PDE7A: variants seen among roughly 807,000 people sequenced by gnomAD.
PDE7A encodes phosphodiesterase 7A, also known as high affinity 3',5'-cyclic-AMP phosphodiesterase 7A.
Under a neutral mutation model 64.3 loss-of-function variants are expected in PDE7A, and 39 were observed. The observed-to-expected ratio is 0.61, with a 90% CI of 0.47 to 0.79. PDE7A has a LOEUF of 0.79. Among genes scored for constraint, PDE7A ranks in the 30% least tolerant of loss-of-function variants. The probability of loss-of-function intolerance (pLI) is 0.00; values close to 1 mark genes in which losing one functional copy is unlikely to be tolerated. For missense variants in PDE7A, 470 were observed against 582.8 expected, an observed-to-expected ratio of 0.81 and a Z score of 1.99; for synonymous variants, 203 against 206.8, an observed-to-expected ratio of 0.98 and a Z score of 0.16.
intron 1 of PDE7A, among the ~76,000 whole-genome samples, chr8:65,814,510 CAAAAAAAAAAAAAA>C (rs140450405): frequency 4.2e-5 from 3 of 71,040 alleles, no homozygotes; most frequent in South Asian, 7.8e-4. Flanking sequence ...GACTCCGTCT[CAAAAAAAAAAAAAA>C]AAAAAAAAAA....
intron 1 of PDE7A, among the ~76,000 whole-genome samples, chr8:65,831,477 T>C (rs1810819835): frequency 6.6e-6 from 1 of 152,156 alleles, no homozygotes; most frequent in Non-Finnish European, 1.5e-5. Context: ...ACTTTCTCTC[T>C]TCCTTCCACC....
chr8:65,736,790 G>GTTTT (rs34814975), intron 6 of PDE7A, among the ~76,000 whole-genome samples: 4 of 128,806 alleles, frequency 3.1e-5, no homozygotes, highest in Non-Finnish European at 4.8e-5. Context: ...AAATTTATCT[G>GTTTT]TTTTTTTTTT....
At chr8:65,772,510 C>T (rs1809132749) in intron 3 of PDE7A, among the ~76,000 whole-genome samples, 2 of 152,114 alleles carry the variant, frequency 1.3e-5, no homozygotes, top group African/African-American at 4.8e-5. Context: ...CAAGGAACTT[C>T]ACAGGGAAGA....
At chr8:65,749,338 C>T (rs1221389180) in intron 3 of PDE7A, among the ~76,000 whole-genome samples, 3 of 152,068 alleles carry the variant, frequency 2.0e-5, no homozygotes, top group Non-Finnish European at 4.4e-5. Context: ...ATCTGATGAA[C>T]TCTGAGGTTC....
intron 5 of PDE7A, among the ~76,000 whole-genome samples, chr8:65,740,776 TCCCCA>T (rs1268797857): frequency 6.6e-6 from 1 of 152,086 alleles, no homozygotes; most frequent in African/African-American, 2.4e-5. Flanking sequence ...GGTACAACTA[TCCCCA>T]CCCCACCCCA....
intron 1 of PDE7A, among the ~76,000 whole-genome samples, chr8:65,803,717 A>G (rs1184844852): frequency 6.6e-6 from 1 of 152,210 alleles, no homozygotes; most frequent in Admixed American, 6.5e-5. Context: ...GTTTAAATGG[A>G]TTTAATTCAT....
At chr8:65,772,584 C>A (rs759238040) in intron 3 of PDE7A, among the ~76,000 whole-genome samples, 1 of 152,084 alleles carries the variant, frequency 6.6e-6, no homozygotes, top group African/African-American at 2.4e-5. Flanking sequence ...TCAACTAGTG[C>A]AAGGGAGAAA....
intron 12 of PDE7A, chr8:65,722,812 C>G: frequency 6.6e-6 from 1 of 152,214 alleles, no homozygotes; most frequent in Non-Finnish European, 1.5e-5. Flanking sequence ...GGATCAGGCA[C>G]TTTGGAATCT....
intron 1 of PDE7A, among the ~76,000 whole-genome samples, chr8:65,804,605 TC>T (rs1810071455): frequency 7.0e-6 from 1 of 142,934 alleles, no homozygotes; most frequent in South Asian, 2.3e-4. Context: ...TGGCGCAACA[TC>T]AGCTCACTGC....
intron 1 of PDE7A, among the ~76,000 whole-genome samples, chr8:65,798,210 T>A (rs1177225963): frequency 5.6e-5 from 7 of 124,188 alleles, no homozygotes; most frequent in African/African-American, 1.5e-4. Context: ...ATATATATTT[T>A]TTTTTTTTTG....
Position 65,826,247 on chromosome 8 carries a change from A to T in PDE7A, c.138+15124T>A, listed in dbSNP as rs971748646. On this transcript the variant is annotated intron_variant, in intron 1 of 12. Coordinates refer to ENST00000401827, the MANE Select transcript of PDE7A (RefSeq NM_001242318.3). ...ACACACTGATGTTTTCAATAGACTG[A>T]CACAATCTTACTGCATCTTAAAAAT... Among the ~76,000 whole-genome samples the T allele has an allele frequency of 2.0e-4, 31 of 152,206 alleles. 1 individual carries two copies. Among genetic ancestry groups the T allele is most frequent in the Admixed American group, 1.0e-3 (16 of 15,270 alleles).
At position 65,719,506 on chromosome 8, in the gene PDE7A, T is replaced by C. The variant is rs1193105508; in HGVS notation, c.1244-11A>G. The C allele has an allele frequency of 9.5e-6, 15 of 1,579,560 alleles. No homozygotes were observed. The highest frequency in any genetic ancestry group is 1.7e-5 in the Admixed American group (1 of 59,840). On this transcript the variant is annotated splice_polypyrimidine_tract_variant and intron_variant, in intron 12 of 12. Transcript: ENST00000401827. The stretch of plus-strand genomic sequence containing the variant: ...GGTAAGTCATAAAACCTTGAGAAAA[T>C]AGGAGAAAAAGTTATTAACATATAT...
rs1806645661 is a variant in PDE7A at position 65,727,172 on chromosome 8, T to G, written c.826A>C (p.Lys276Gln). 1 of 1,554,348 alleles carries G rather than the reference T, an allele frequency of 6.4e-7. No homozygotes were observed. The highest frequency in any genetic ancestry group is 1.4e-5 in the African/African-American group (1 of 73,772). The change falls in exon 8 of 13, where the codon AAG becomes CAG. Residue 276 changes from lysine to glutamine, a missense_variant and splice_region_variant. Physicochemically the swap from Lys to Gln is moderately conservative, Grantham distance 53. Coordinates refer to ENST00000401827, the MANE Select transcript of PDE7A (RefSeq NM_001242318.3). ...CTTGATGATAAAATTGCACTAACCT[T>G]GTATAAAGTTGCCAAGTAATGGTTA... ...KTNHYLATLY[K>Q]NTSVLENHHW...
rs760064920 is a variant in PDE7A, at chr8:65,747,736, A to T, written c.351T>A (p.Tyr117Ter). ...CACGAAAAAAGCGTGAAGATCTAAG[A>T]TATCGCTGGAAACTTAGTAGCCTTC... ...NIRRLLSFQR[Y>*]LRSSRFFRGT... The change falls in exon 4 of 13, where the codon TAT becomes TAA. Residue 117 changes from tyrosine (Y) to a stop codon, truncating the protein, a stop_gained. Coordinates refer to ENST00000401827, the MANE Select transcript of PDE7A (RefSeq NM_001242318.3). LOFTEE classifies it high-confidence loss of function. 6.2e-7 allele frequency: 1 copy of T among 1,608,024 alleles called. No homozygotes were observed. The highest frequency in any genetic ancestry group is 1.1e-5 in the South Asian group (1 of 90,920).
intron 8 of PDE7A, 56 bp downstream of exon 8, chr8:65,727,114 T>C: frequency 8.5e-7 from 1 of 1,172,012 alleles, no homozygotes; most frequent in Non-Finnish European, 1.3e-6. Context: ...CTTCAAAATA[T>C]GAAAGATTTT....
intron 3 of PDE7A, among the ~76,000 whole-genome samples, chr8:65,763,442 G>A (rs536561645): frequency 2.0e-5 from 3 of 152,070 alleles, no homozygotes; most frequent in East Asian, 1.9e-4. Flanking sequence ...GCGCAGGTCT[G>A]TAATCCCAGC....
intron 1 of PDE7A, among the ~76,000 whole-genome samples, chr8:65,808,468 G>GT (rs1020769264): frequency 8.9e-4 from 135 of 151,660 alleles, no homozygotes; most frequent in Non-Finnish European, 1.3e-3. Flanking sequence ...GACATTATAA[G>GT]TTTTTTTTTA....
chr8:65,747,357 C>A (rs1177095798), intron 4 of PDE7A, among the ~76,000 whole-genome samples: 3 of 152,180 alleles, frequency 2.0e-5, no homozygotes, highest in African/African-American at 7.2e-5. Flanking sequence ...GTCTTCCCAG[C>A]ATTACAATTC....
chr8:65,746,797 G>A (rs933957030), intron 4 of PDE7A, among the ~76,000 whole-genome samples: 1 of 152,028 alleles, frequency 6.6e-6, no homozygotes, highest in Admixed American at 6.6e-5. Context: ...AGGCATGAAC[G>A]CTTTCCACTG....
Sources: gnomAD v4.1 joint callset for allele counts (sites outside exome capture counted in the v4.1 genomes callset) on GRCh38, gnomAD v4.1.1 for gene constraint, MANE v1.5 for transcripts, NCBI Gene and HGNC (gene_info 2026-07-23, HGNC 2026-07-21) for gene names.